The following MCUB variants were observed in gnomAD, a reference collection of about 807,000 sequenced individuals.
MCUB encodes calcium uniporter regulatory subunit MCUb, mitochondrial.
MCUB carries 46 observed loss-of-function variants against 41.4 expected under a neutral mutation model. The observed-to-expected ratio is 1.11, with a 90% CI of 0.88 to 1.42. The LOEUF (loss-of-function observed/expected upper bound fraction) is 1.42, where lower values mean the gene tolerates loss of function less well. Among genes scored for constraint, MCUB ranks in the 40% most tolerant of loss-of-function variants. The pLI is 0.00. For synonymous variants in MCUB, 148 were observed against 148.2 expected, an observed-to-expected ratio of 1.00 and a Z score of 0.01; for missense variants, 403 against 404.9, an observed-to-expected ratio of 1.00 and a Z score of 0.04.
At chr4:109,675,483 A>G (rs1211400145) in intron 4 of MCUB, among the ~76,000 whole-genome samples, 1 of 152,244 alleles carries the variant, frequency 6.6e-6, no homozygotes, top group African/African-American at 2.4e-5. Flanking sequence ...CATTTGGATG[A>G]CAACTCTGGT....
rs185766936 is a variant in MCUB at position 109,658,422 on chromosome 4, C to T, written c.100-589C>T. Among the ~76,000 whole-genome samples, 34 of 152,098 alleles carry T rather than the reference C, an allele frequency of 2.2e-4. 1 individual carries two copies. The East Asian group carries it at 5.4e-3, about 24-fold the overall frequency. On this transcript the variant is annotated intron_variant, in intron 1 of 7. Coordinates refer to ENST00000394650, the MANE Select transcript of MCUB (RefSeq NM_017918.5). Reference sequence around the variant, plus strand: ...AAGTGATTCTCCTGCCTCAGCCTCGCGAGTAGCTGGGATTACAGGCATGTG... The same window carrying T: ...AAGTGATTCTCCTGCCTCAGCCTCGTGAGTAGCTGGGATTACAGGCATGTG...
chr4:109,681,419 T>C (rs769345154), intron 4 of MCUB: 10 of 450,962 alleles, frequency 2.2e-5, no homozygotes, highest in East Asian at 7.1e-5. Flanking sequence ...CGATCTACCT[T>C]TGTTCTTTCT....
At chr4:109,604,188 A>G (rs1442934364) in intron 1 of MCUB, among the ~76,000 whole-genome samples, 1 of 151,736 alleles carries the variant, frequency 6.6e-6, no homozygotes, top group African/African-American at 2.4e-5. Flanking sequence ...TGAAGGCAGC[A>G]TGCTCGTTAA....
chr4:109,650,413 A>T lies in MCUB; in HGVS notation c.100-8598A>T, dbSNP rs1241803275. On this transcript the variant is annotated intron_variant, in intron 1 of 7. Transcript: ENST00000394650. ...AAGGTTTAATATTTGACCCCTTGTT[A>T]TTAATCACTTATCTTTGTATATGGT... 4.6e-5 allele frequency among the ~76,000 whole-genome samples: 7 copies of T among 152,294 alleles called. No individual in the cohort carries two copies. The East Asian group carries it at 1.3e-3, about 29-fold the overall frequency.
chr4:109,648,563 G>C (rs185792706), intron 1 of MCUB: 5 of 421,348 alleles, frequency 1.2e-5, no homozygotes, highest in Non-Finnish European at 2.3e-5. Context: ...GATGATTCAT[G>C]TAGTACCTGA....
intron 1 of MCUB, among the ~76,000 whole-genome samples, chr4:109,601,993 A>G (rs890615178): frequency 2.0e-5 from 3 of 152,138 alleles, no homozygotes; most frequent in African/African-American, 7.2e-5. Context: ...ATGTTGATGG[A>G]CATTTGCCAT....
chr4:109,622,871 A>T (rs1333456612), intron 1 of MCUB, among the ~76,000 whole-genome samples: 3 of 152,230 alleles, frequency 2.0e-5, no homozygotes, highest in Non-Finnish European at 2.9e-5. Flanking sequence ...CAGCAGCAGC[A>T]AGCTACAGCT....
At chr4:109,584,727 G>A (rs1727264226) in intron 1 of MCUB, among the ~76,000 whole-genome samples, 1 of 152,138 alleles carries the variant, frequency 6.6e-6, no homozygotes, top group South Asian at 2.1e-4. Context: ...AGTCATTCAG[G>A]AGCACGTTGT....
intron 1 of MCUB, among the ~76,000 whole-genome samples, chr4:109,565,384 C>G (rs1262059762): frequency 4.6e-5 from 7 of 152,190 alleles, no homozygotes; most frequent in Non-Finnish European, 8.8e-5. Context: ...TAAGACTAGA[C>G]AGCAATTTCT....
chr4:109,620,660 T>G (rs951676470), intron 1 of MCUB, among the ~76,000 whole-genome samples: 3 of 151,884 alleles, frequency 2.0e-5, no homozygotes, highest in Non-Finnish European at 2.9e-5. Context: ...TAATTTTGTT[T>G]TTCTCTTTGT....
At chr4:109,603,384 C>T (rs539067713) in intron 1 of MCUB, among the ~76,000 whole-genome samples, 6 of 152,358 alleles carry the variant, frequency 3.9e-5, no homozygotes, top group Admixed American at 2.6e-4. Flanking sequence ...GACAGAGTCT[C>T]GCTCACTCAG....
chr4:109,560,358 G>A lies in MCUB; in HGVS notation c.21G>A (p.Trp7Ter). 3.0e-6 allele frequency: 4 copies of A among 1,319,974 alleles called. No individual in the cohort carries two copies. The highest frequency in any genetic ancestry group is 3.9e-6 in the Non-Finnish European group (4 of 1,035,568). The allele number at this position is 1,319,974 out of a possible 1,614,324, so 81.8% of individuals were successfully genotyped here. Reference protein sequence around the residue: MLQRGLWPWRTRLLPTP... With the variant: MLQRGL The stretch of plus-strand genomic sequence containing the variant: ...GGAGGATGCTCCAGAGGGGCCTCTG[G>A]CCGTGGCGCACGCGGCTGCTGCCGA... Residue 7 changes from tryptophan (W) to a stop codon, truncating the protein, a stop_gained, in exon 1 of 8, where the codon TGG becomes TGA. Transcript: ENST00000394650. LOFTEE classifies it high-confidence loss of function.
intron 1 of MCUB, among the ~76,000 whole-genome samples, chr4:109,611,694 A>T (rs1013560734): frequency 6.6e-6 from 1 of 152,188 alleles, no homozygotes; most frequent in Non-Finnish European, 1.5e-5. Flanking sequence ...AGAAGCCACA[A>T]TCTAGACATG....
intron 1 of MCUB, among the ~76,000 whole-genome samples, chr4:109,646,452 G>A (rs994043984): frequency 1.3e-5 from 2 of 152,022 alleles, no homozygotes; most frequent in African/African-American, 2.4e-5. Flanking sequence ...GCTCTGGGCC[G>A]GGTCACCACC....
At chr4:109,681,437 A>G (rs1729714323) in intron 4 of MCUB, 1 of 453,370 alleles carries the variant, frequency 2.2e-6, no homozygotes, top group Non-Finnish European at 4.4e-6. Context: ...TCTGGTAGAG[A>G]GTGTTACCGG....
chr4:109,567,046 T>C (rs1579041075), intron 1 of MCUB, among the ~76,000 whole-genome samples: 1 of 151,664 alleles, frequency 6.6e-6, no homozygotes, highest in East Asian at 1.9e-4. Flanking sequence ...AGTAGATGTC[T>C]TTTTTGAGAC....
chr4:109,567,091 C>G (rs1167034077), intron 1 of MCUB, among the ~76,000 whole-genome samples: 1 of 133,834 alleles, frequency 7.5e-6, no homozygotes, highest in East Asian at 2.2e-4. Context: ...GAGATCGCAT[C>G]ATTGCACTCC....
At chr4:109,684,179 C>T (rs1729780272) in intron 5 of MCUB, among the ~76,000 whole-genome samples, 1 of 151,698 alleles carries the variant, frequency 6.6e-6, no homozygotes, top group Admixed American at 6.6e-5. Context: ...TCTTCTGCCT[C>T]AGCCTCCTGA....
intron 1 of MCUB, among the ~76,000 whole-genome samples, chr4:109,567,615 A>G (rs959739644): frequency 1.1e-4 from 15 of 134,888 alleles, no homozygotes; most frequent in African/African-American, 4.3e-4. Flanking sequence ...TGGTTTCACC[A>G]TGTTGACCAA....
Sources: gnomAD v4.1 joint callset for allele counts (sites outside exome capture counted in the v4.1 genomes callset) on GRCh38, gnomAD v4.1.1 for gene constraint, MANE v1.5 for transcripts, NCBI Gene and HGNC (gene_info 2026-07-23, HGNC 2026-07-21) for gene names.